CEP135: variants seen among roughly 807,000 people sequenced by gnomAD.
CEP135 encodes centrosomal protein of 135 kDa.
In CEP135, 142 loss-of-function variants were observed where a neutral mutation model predicts 157.3. The ratio of observed to expected loss-of-function variants is 0.90; its 90% CI spans 0.79 to 1.04. CEP135 has a LOEUF of 1.04. Ranked by LOEUF, CEP135 falls within the 50% of genes least tolerant of loss-of-function variation. CEP135 has a pLI of 0.00. For missense variants in CEP135, 1,317 were observed against 1,309.2 expected, an observed-to-expected ratio of 1.01 and a Z score of -0.09; for synonymous variants, 396 against 439.8, an observed-to-expected ratio of 0.90 and a Z score of 1.25.
rs192716308 is a variant in CEP135, at chr4:55,952,526, C to T, written c.113+283C>T. 1,130 of 248,166 alleles carry T rather than the reference C, an allele frequency of 4.6e-3. 14 individuals carry two copies. Among genetic ancestry groups the T allele is most frequent in the Non-Finnish European group, 3.2e-3 (422 of 130,904 alleles). 15.4% of individuals were successfully genotyped at this position (248,166 alleles called of 1,614,324 possible). A position where few individuals can be genotyped will look rare whatever the true frequency, so the allele number is the denominator to read the frequency against. ...TCTGATATAATTGAGAGACACTTTT[C>T]CCTTAAGTTCTTTTTTTTTCCCCCC... On this transcript the variant is annotated intron_variant, in intron 2 of 25. Coordinates refer to ENST00000257287, the MANE Select transcript of CEP135 (RefSeq NM_025009.5).
intron 14 of CEP135, among the ~76,000 whole-genome samples, chr4:55,987,198 C>CA (rs1003729976): frequency 3.3e-5 from 5 of 152,264 alleles, no homozygotes; most frequent in African/African-American, 1.2e-4. Context: ...ATGAGATTTT[C>CA]AAATGACTGA....
intron 17 of CEP135, among the ~76,000 whole-genome samples, chr4:56,003,355 A>C (rs1048881229): frequency 2.0e-5 from 3 of 151,824 alleles, no homozygotes; most frequent in Non-Finnish European, 2.9e-5. Flanking sequence ...GTAGGTGCCC[A>C]CCACCACACC....
At chr4:55,982,895 TAAC>T (rs1284029604) in intron 13 of CEP135, among the ~76,000 whole-genome samples, 1 of 152,168 alleles carries the variant, frequency 6.6e-6, no homozygotes, top group Non-Finnish European at 1.5e-5. Context: ...ATAAAGCACT[TAAC>T]AATGATTAGC....
chr4:55,949,699 T>C (rs902426116), intron 1 of CEP135, among the ~76,000 whole-genome samples: 2 of 152,222 alleles, frequency 1.3e-5, no homozygotes, highest in African/African-American at 4.8e-5. Context: ...TACACATATA[T>C]GTATGGGGGA....
At chr4:55,995,561 T>C (rs768512452) in intron 15 of CEP135, among the ~76,000 whole-genome samples, 1 of 152,180 alleles carries the variant, frequency 6.6e-6, no homozygotes. Context: ...CTAGGCAATA[T>C]ATAAAATGAA....
chr4:55,971,538 C>T, intron 10 of CEP135, 130 bp downstream of exon 10: 1 of 867,306 alleles, frequency 1.2e-6, no homozygotes, highest in Non-Finnish European at 1.7e-6. Flanking sequence ...TAGTCAAAAA[C>T]CATAGTAGTT....
At chr4:55,959,654 A>G (rs1728618971) in intron 5 of CEP135, 28 bp from the exon 6 acceptor site, 1 of 1,564,210 alleles carries the variant, frequency 6.4e-7, no homozygotes, top group African/African-American at 1.4e-5. Flanking sequence ...ACAAAAGTGT[A>G]TTGGCATTAA....
At chr4:56,011,378 C>A in intron 19 of CEP135, 34 bp from the exon 20 acceptor site, 1 of 1,366,198 alleles carries the variant, frequency 7.3e-7, no homozygotes, top group South Asian at 1.2e-5. Context: ...GTGTTGTGTT[C>A]ATTTTAGATT....
In CEP135 at chr4:55,971,341, T is replaced by C; in HGVS notation, c.1182T>C (p.Thr394=). 4 of 1,607,952 alleles carry C rather than the reference T, an allele frequency of 2.5e-6. No homozygotes were observed. Among genetic ancestry groups the C allele is most frequent in the Non-Finnish European group, 3.4e-6 (4 of 1,177,554 alleles). The change falls in exon 10 of 26, where the codon ACT becomes ACC. Residue 394 remains threonine (T), a synonymous_variant. Transcript: ENST00000257287. ...DELLVKSDLE[T]VVHQLEQEKQ... ...TCCTTGTAAAATCAGACCTAGAAACTGTTGTTCATCAGCTTGAACAAGAAA... is the reference window on the plus strand; with the variant it reads ...TCCTTGTAAAATCAGACCTAGAAACCGTTGTTCATCAGCTTGAACAAGAAA...
intron 6 of CEP135, among the ~76,000 whole-genome samples, chr4:55,964,037 G>A (rs1460331943): frequency 1.3e-5 from 2 of 152,138 alleles, no homozygotes; most frequent in Non-Finnish European, 2.9e-5. Context: ...AAATTAGGAA[G>A]AATCTATGTA....
At chr4:56,016,506 A>G (rs568329256) in intron 21 of CEP135, among the ~76,000 whole-genome samples, 5 of 152,328 alleles carry the variant, frequency 3.3e-5, no homozygotes, top group South Asian at 2.1e-4. Flanking sequence ...TATGTGGTAT[A>G]TGAAATTGGC....
At chr4:56,002,289 A>C (rs1487074516) in intron 17 of CEP135, among the ~76,000 whole-genome samples, 1 of 152,012 alleles carries the variant, frequency 6.6e-6, no homozygotes, top group Non-Finnish European at 1.5e-5. Context: ...GTTAAATAAA[A>C]GTGTGAAAGT....
At chr4:56,003,197 T>C (rs1048998644) in intron 17 of CEP135, among the ~76,000 whole-genome samples, 3 of 144,536 alleles carry the variant, frequency 2.1e-5, no homozygotes, top group Admixed American at 6.9e-5. Context: ...TTGTATTTTC[T>C]TTTTTTTTGA....
At chr4:55,952,319 T>C in intron 2 of CEP135, 76 bp downstream of exon 2, 1 of 868,068 alleles carries the variant, frequency 1.2e-6, no homozygotes, top group Middle Eastern at 2.2e-4. Flanking sequence ...CTTCATGCTT[T>C]GGTAAAGAAA....
At position 56,011,348 on chromosome 4, in the gene CEP135, A is replaced by C; in HGVS notation, c.2506-64A>C. On this transcript the variant is annotated intron_variant, in intron 19 of 25. Transcript: ENST00000257287. Reference sequence around the variant, plus strand: ...CTCCAATTCCAAAGGAATTATTTGAATATAAATAAAATTTATTTGGTGTTG... The same window carrying C: ...CTCCAATTCCAAAGGAATTATTTGACTATAAATAAAATTTATTTGGTGTTG... 4 of 1,071,322 alleles carry C rather than the reference A, an allele frequency of 3.7e-6. No homozygotes were observed. The South Asian group carries it at 5.7e-5, about 15-fold the overall frequency. The allele number at this position is 1,071,322 out of a possible 1,614,324, so 66.4% of individuals were successfully genotyped here.
intron 4 of CEP135, 91 bp from the exon 5 acceptor site, chr4:55,957,132 C>T (rs934208236): frequency 1.9e-5 from 26 of 1,355,628 alleles, no homozygotes; most frequent in Non-Finnish European, 2.3e-5. Context: ...ACTGCAGACA[C>T]ACTTTATAAC....
intron 15 of CEP135, among the ~76,000 whole-genome samples, chr4:55,998,635 C>T (rs1730058032): frequency 6.6e-6 from 1 of 152,144 alleles, no homozygotes; most frequent in Non-Finnish European, 1.5e-5. Context: ...GAGACCGAGG[C>T]AGATGGATTG....
chr4:55,956,241 T>G (rs1366303095), intron 4 of CEP135, among the ~76,000 whole-genome samples: 1 of 152,214 alleles, frequency 6.6e-6, no homozygotes, highest in Non-Finnish European at 1.5e-5. Flanking sequence ...AGAATTCTAA[T>G]GAGACAAAAT....
intron 11 of CEP135, among the ~76,000 whole-genome samples, chr4:55,975,284 A>G (rs1185306085): frequency 2.0e-5 from 3 of 152,214 alleles, no homozygotes; most frequent in Admixed American, 2.0e-4. Flanking sequence ...TACTTTCTGT[A>G]TCAGCTGCAT....
Sources: gnomAD v4.1 joint callset for allele counts (sites outside exome capture counted in the v4.1 genomes callset) on GRCh38, gnomAD v4.1.1 for gene constraint, MANE v1.5 for transcripts, NCBI Gene and HGNC (gene_info 2026-07-23, HGNC 2026-07-21) for gene names.